RAB31: variants seen among roughly 807,000 people sequenced by gnomAD.
The protein encoded by RAB31 is ras-related protein Rab-31.
In RAB31, 21 loss-of-function variants were observed where a neutral mutation model predicts 25.6. The observed-to-expected ratio is 0.82, with a 90% CI of 0.58 to 1.18. The LOEUF (loss-of-function observed/expected upper bound fraction) is 1.18. Among genes scored for constraint, RAB31 ranks in the 50% most tolerant of loss-of-function variants. The pLI is 0.00. For missense variants in RAB31, 196 were observed against 250.1 expected (o/e 0.78, Z 1.46); for synonymous variants, 87 against 84.0 (o/e 1.04, Z -0.20).
At chr18:9,762,689 A>G (rs1458641071) in intron 1 of RAB31, among the ~76,000 whole-genome samples, 1 of 152,186 alleles carries the variant, frequency 6.6e-6, no homozygotes, top group Non-Finnish European at 1.5e-5. Context: ...TATTATAAGA[A>G]AAACGGAACT....
At position 9,862,141 on chromosome 18, in the gene RAB31, A is replaced by T. The variant is rs527575; in HGVS notation, c.*2816A>T. On this transcript the variant is annotated 3_prime_UTR_variant, in exon 7 of 7. Coordinates refer to ENST00000578921, the MANE Select transcript of RAB31 (RefSeq NM_006868.4). ...TTCCTCTACAGTCAAGGACTTTGGC[A>T]TGTGGTGGCTGAAACTGAGCTTTTT... The T allele has an allele frequency of 0.2, 29,906 of 152,454 alleles. 3,003 individuals carry two copies. Among genetic ancestry groups the T allele is most frequent in the South Asian group, 0.25 (1,192 of 4,832 alleles). 9.4% of individuals were successfully genotyped at this position (152,454 alleles called of 1,614,324 possible). A position where few individuals can be genotyped will look rare whatever the true frequency, so the allele number is the denominator to read the frequency against.
chr18:9,810,909 T>A (rs577628616), intron 3 of RAB31, among the ~76,000 whole-genome samples: 1 of 152,254 alleles, frequency 6.6e-6, no homozygotes, highest in Non-Finnish European at 1.5e-5. Context: ...ATACTTAATC[T>A]GCGGTCCTTA....
In RAB31 at chr18:9,836,119, C is replaced by T. The variant is rs2299839; in HGVS notation, c.381-9463C>T. ...CACCACACAGTTAACAGCCGTCTCC[C>T]GCTCACCGCTGCTGTGCTGCTCGTG... On this transcript the variant is annotated intron_variant, in intron 5 of 6. Transcript: ENST00000578921. Among the ~76,000 whole-genome samples the T allele has an allele frequency of 4.5e-4, 69 of 152,128 alleles. 3 individuals carry two copies. In the East Asian group the frequency reaches 0.013, roughly 28 times the overall value.
At chr18:9,793,142 T>A (rs2068469746) in intron 3 of RAB31, among the ~76,000 whole-genome samples, 1 of 152,068 alleles carries the variant, frequency 6.6e-6, no homozygotes, top group Admixed American at 6.6e-5. Flanking sequence ...GGCACAATTA[T>A]GGCTCACTGC....
intron 5 of RAB31, among the ~76,000 whole-genome samples, chr18:9,834,871 CTT>C (rs777792545): frequency 4.0e-4 from 61 of 152,286 alleles, no homozygotes; most frequent in Middle Eastern, 3.4e-3. Flanking sequence ...CATAATGTAA[CTT>C]ATATTAATAT....
At chr18:9,745,340 G>T (rs1371853711) in intron 1 of RAB31, among the ~76,000 whole-genome samples, 3 of 152,122 alleles carry the variant, frequency 2.0e-5, no homozygotes, top group Non-Finnish European at 4.4e-5. Flanking sequence ...GGACCAGATC[G>T]CTCTACTGGT....
At chr18:9,755,388 C>T (rs1041609116) in intron 1 of RAB31, among the ~76,000 whole-genome samples, 2 of 152,180 alleles carry the variant, frequency 1.3e-5, no homozygotes, top group African/African-American at 4.8e-5. Flanking sequence ...GTGCCCTTGG[C>T]CTTACCCTCT....
At chr18:9,760,204 C>T (rs2068281304) in intron 1 of RAB31, among the ~76,000 whole-genome samples, 2 of 149,428 alleles carry the variant, frequency 1.3e-5, no homozygotes. Flanking sequence ...GATAAGGTCT[C>T]ACTCTGTCAC....
At chr18:9,785,403 A>G (rs2068426605) in intron 2 of RAB31, among the ~76,000 whole-genome samples, 1 of 152,198 alleles carries the variant, frequency 6.6e-6, no homozygotes. Context: ...ACAGAAACAC[A>G]TGCAAAGATC....
intron 1 of RAB31, among the ~76,000 whole-genome samples, chr18:9,773,486 C>T (rs986487466): frequency 2.0e-5 from 3 of 152,136 alleles, no homozygotes; most frequent in South Asian, 2.1e-4. Flanking sequence ...CAACGGCGAT[C>T]GGTGTTGATA....
chr18:9,797,672 A>C (rs531988321), intron 3 of RAB31, among the ~76,000 whole-genome samples: 16 of 152,198 alleles, frequency 1.1e-4, no homozygotes, highest in Admixed American at 4.6e-4. Flanking sequence ...AAAACTATCC[A>C]AACTCCCACT....
intron 1 of RAB31, among the ~76,000 whole-genome samples, chr18:9,740,129 C>A (rs771368967): frequency 6.6e-6 from 1 of 152,130 alleles, no homozygotes; most frequent in African/African-American, 2.4e-5. Flanking sequence ...GCCTTCAGTT[C>A]GGCTGTTGAG....
At chr18:9,745,339 C>T (rs2068200185) in intron 1 of RAB31, among the ~76,000 whole-genome samples, 2 of 152,142 alleles carry the variant, frequency 1.3e-5, no homozygotes, top group South Asian at 4.1e-4. Context: ...AGGACCAGAT[C>T]GCTCTACTGG....
At chr18:9,754,247 A>G (rs1362362736) in intron 1 of RAB31, among the ~76,000 whole-genome samples, 1 of 152,232 alleles carries the variant, frequency 6.6e-6, no homozygotes, top group Non-Finnish European at 1.5e-5. Flanking sequence ...AAATACTGGG[A>G]AAAAAATTGT....
chr18:9,838,597 G>A (rs1374082470), intron 5 of RAB31, among the ~76,000 whole-genome samples: 1 of 152,180 alleles, frequency 6.6e-6, no homozygotes, highest in Admixed American at 6.5e-5. Context: ...CGAGGCAGCT[G>A]CCATGTTGCC....
chr18:9,713,845 C>T (rs2068030151), intron 1 of RAB31, among the ~76,000 whole-genome samples: 1 of 152,170 alleles, frequency 6.6e-6, no homozygotes, highest in Admixed American at 6.5e-5. Context: ...CAGACAGCTG[C>T]CTTCTTGCTG....
At chr18:9,769,655 CT>C in intron 1 of RAB31, among the ~76,000 whole-genome samples, 1 of 152,330 alleles carries the variant, frequency 6.6e-6, no homozygotes, top group South Asian at 2.1e-4. Flanking sequence ...TTGACTTCTT[CT>C]TTTCCTATTT....
intron 5 of RAB31, among the ~76,000 whole-genome samples, chr18:9,823,345 G>T (rs1186048907): frequency 6.6e-6 from 1 of 152,258 alleles, no homozygotes; most frequent in Admixed American, 6.5e-5. Context: ...TCTCTGTGGT[G>T]GTGGACACAG....
At chr18:9,846,037 C>T (rs2068760239) in intron 6 of RAB31, among the ~76,000 whole-genome samples, 1 of 152,208 alleles carries the variant, frequency 6.6e-6, no homozygotes, top group African/African-American at 2.4e-5. Flanking sequence ...AACTCAAGGT[C>T]ACCCATTAGA....
Sources: gnomAD v4.1 joint callset for allele counts (sites outside exome capture counted in the v4.1 genomes callset) on GRCh38, gnomAD v4.1.1 for gene constraint, MANE v1.5 for transcripts, NCBI Gene and HGNC (gene_info 2026-07-23, HGNC 2026-07-21) for gene names.